Variants in ZFP14 observed in about 807,000 individuals in gnomAD.
ZFP14 encodes ZFP14 zinc finger protein, also known as zinc finger protein 14 homolog.
Under a neutral mutation model 54.5 loss-of-function variants are expected in ZFP14, and 22 were observed. The ratio of observed to expected loss-of-function variants is 0.40; its 90% CI spans 0.29 to 0.58. ZFP14 has a LOEUF of 0.58. Among genes scored for constraint, ZFP14 ranks in the 20% least tolerant of loss-of-function variants. The probability of loss-of-function intolerance (pLI) is 0.39; values close to 1 mark genes in which losing one functional copy is unlikely to be tolerated. For synonymous variants in ZFP14, 159 were observed against 204.0 expected (o/e 0.78, Z 1.88); for missense variants, 470 against 637.8 (o/e 0.74, Z 2.83).
chr19:36,377,744 G>A (rs147597680), intron 1 of ZFP14, among the ~76,000 whole-genome samples: 157 of 152,170 alleles, frequency 1.0e-3, no homozygotes, highest in Non-Finnish European at 2.0e-3. Flanking sequence ...TACTTGGCAG[G>A]CTGAAGCAGG....
At chr19:36,371,180 A>G (rs10404574) in intron 1 of ZFP14, among the ~76,000 whole-genome samples, 103,326 of 151,914 alleles carry the variant, frequency 0.68, 35,419 homozygotes, top group African/African-American at 0.76. Context: ...AGAGAATGCC[A>G]TGAACCCAGG....
chr19:36,347,682 C>A (rs1300418868), intron 4 of ZFP14, among the ~76,000 whole-genome samples: 1 of 152,038 alleles, frequency 6.6e-6, no homozygotes. Flanking sequence ...TGAAGATTAT[C>A]AAAACTTGAG....
At chr19:36,359,263 TTTG>T (rs1225399346) in intron 4 of ZFP14, among the ~76,000 whole-genome samples, 28 of 152,198 alleles carry the variant, frequency 1.8e-4, no homozygotes, top group African/African-American at 6.5e-4. Flanking sequence ...TTATATTTGA[TTTG>T]TTAATATTTT....
In ZFP14 at chr19:36,338,594, T is replaced by C. The variant is rs972471211; in HGVS notation, c.*1630A>G. 5 of 152,002 alleles carry C rather than the reference T, an allele frequency of 3.3e-5. No individual in the cohort carries two copies. In the East Asian group the frequency reaches 7.8e-4, roughly 24 times the overall value. The allele number at this position is 152,002 out of a possible 1,614,324, so 9.4% of individuals were successfully genotyped here. A position where few individuals can be genotyped will look rare whatever the true frequency, so the allele number is the denominator to read the frequency against. ...AACAGGGTACAGTGAACTGTGCTTGTACCACTGCACTCCAGCCTGGGGGAC... is the reference window on the plus strand; with the variant it reads ...AACAGGGTACAGTGAACTGTGCTTGCACCACTGCACTCCAGCCTGGGGGAC... On this transcript the variant is annotated 3_prime_UTR_variant, in exon 5 of 5. Transcript: ENST00000270001.
chr19:36,356,377 G>A (rs1163147889), intron 4 of ZFP14, among the ~76,000 whole-genome samples: 4 of 151,116 alleles, frequency 2.6e-5, no homozygotes, highest in Admixed American at 1.3e-4. Flanking sequence ...GCAGTGAGCC[G>A]AGATCCCGCC....
rs187136753 is a variant in ZFP14, at chr19:36,358,918, G to T, written c.235+1517C>A. On this transcript the variant is annotated intron_variant, in intron 4 of 4. Transcript: ENST00000270001. The stretch of plus-strand genomic sequence containing the variant: ...GATTAATGGGTTATCACAGGATTGG[G>T]ACTGATGACTTTATAAGAAGAAGAG... 3.0e-3 allele frequency among the ~76,000 whole-genome samples: 451 copies of T among 152,180 alleles called. 1 individual carries two copies. Among genetic ancestry groups the T allele is most frequent in the African/African-American group, 0.01 (419 of 41,516 alleles).
intron 4 of ZFP14, among the ~76,000 whole-genome samples, chr19:36,355,282 C>T (rs905224937): frequency 4.2e-5 from 6 of 143,074 alleles, no homozygotes; most frequent in Non-Finnish European, 9.3e-5. Context: ...GAATGTTGAG[C>T]CCTAACTAAC....
At chr19:36,360,567 C>T (rs751516337) in intron 3 of ZFP14, 34 bp from the exon 4 acceptor site, 15 of 1,573,002 alleles carry the variant, frequency 9.5e-6, no homozygotes, top group South Asian at 5.8e-5. Context: ...TGGAATTATA[C>T]ACCAGAAAAT....
chr19:36,355,852 T>A (rs908388677), intron 4 of ZFP14, among the ~76,000 whole-genome samples: 1 of 141,906 alleles, frequency 7.0e-6, no homozygotes, highest in African/African-American at 2.6e-5. Flanking sequence ...AAAATACATA[T>A]CTGGTGTTTA....
rs961752057 is a variant in ZFP14, at chr19:36,352,434, A to G, written c.235+8001T>C. 1.6e-4 allele frequency among the ~76,000 whole-genome samples: 23 copies of G among 143,724 alleles called. 5 individuals carry two copies. The highest frequency in any genetic ancestry group is 7.8e-4 in the Admixed American group (11 of 14,024). 94.3% of individuals were successfully genotyped at this position (143,724 alleles called of 152,430 possible). Reference sequence around the variant, plus strand: ...TTAAGCAAACAGAAAAACACTGGGAAGACAGCAGATTTAAACCCAAATATG... The same window carrying G: ...TTAAGCAAACAGAAAAACACTGGGAGGACAGCAGATTTAAACCCAAATATG... On this transcript the variant is annotated intron_variant, in intron 4 of 4. Transcript: ENST00000270001.
chr19:36,376,610 C>T (rs2145567018), intron 1 of ZFP14, among the ~76,000 whole-genome samples: 1 of 152,022 alleles, frequency 6.6e-6, no homozygotes, highest in Admixed American at 6.6e-5. Context: ...TCTTGATTAT[C>T]AACAATTTAC....
intron 4 of ZFP14, among the ~76,000 whole-genome samples, chr19:36,354,370 CA>C (rs58651628): frequency 0.058 from 5,782 of 98,970 alleles, 877 homozygotes; most frequent in African/African-American, 0.19. Flanking sequence ...GATTCCATCT[CA>C]AAAAAAAAAA....
At chr19:36,342,708 A>G (rs2145540532) in intron 4 of ZFP14, among the ~76,000 whole-genome samples, 2 of 152,318 alleles carry the variant, frequency 1.3e-5, no homozygotes, top group African/African-American at 4.8e-5. Flanking sequence ...GCCTGTCTTT[A>G]GATAAGAGGC....
At chr19:36,342,567 G>GCATGGCTAAAATC (rs60143401) in intron 4 of ZFP14, among the ~76,000 whole-genome samples, 57,154 of 151,850 alleles carry the variant, frequency 0.38, 10,722 homozygotes, top group Admixed American at 0.42. Context: ...AGACACCTCA[G>GCATGGCTAAAATC]CACTTCATGT....
In ZFP14 at chr19:36,351,317, GGC is replaced by G. The variant is rs969683789; in HGVS notation, c.235+9116_235+9117del. Among the ~76,000 whole-genome samples the G allele has an allele frequency of 2.8e-4, 39 of 138,118 alleles. 5 individuals carry two copies. Among genetic ancestry groups the G allele is most frequent in the African/African-American group, 8.8e-4 (33 of 37,378 alleles). The allele number at this position is 138,118 out of a possible 152,430, so 90.6% of individuals were successfully genotyped here. A position where few individuals can be genotyped will look rare whatever the true frequency, so the allele number is the denominator to read the frequency against. The stretch of plus-strand genomic sequence containing the variant: ...AGTTCAAGACCAGCCTGGCCAACAT[GGC>G]GAAACCCCGTCTCTACTAAAAACTA... On this transcript the variant is annotated intron_variant, in intron 4 of 4. Transcript: ENST00000270001.
chr19:36,352,864 C>T (rs528516701), intron 4 of ZFP14, among the ~76,000 whole-genome samples: 2 of 140,084 alleles, frequency 1.4e-5, no homozygotes, highest in Non-Finnish European at 3.2e-5. Flanking sequence ...TGGCGTGAAC[C>T]CGGGAGGCGG....
At chr19:36,346,805 G>C (rs1219343110) in intron 4 of ZFP14, among the ~76,000 whole-genome samples, 1 of 152,124 alleles carries the variant, frequency 6.6e-6, no homozygotes, top group African/African-American at 2.4e-5. Context: ...ACCTACCTTT[G>C]TTCTGGGATA....
rs1234463605 is a variant in ZFP14 at position 36,349,603 on chromosome 19, G to A, written c.236-8013C>T. Among the ~76,000 whole-genome samples, 4 of 150,646 alleles carry A rather than the reference G, an allele frequency of 2.7e-5. No homozygotes were observed. In the South Asian group the frequency reaches 8.3e-4, roughly 31 times the overall value. On this transcript the variant is annotated intron_variant, in intron 4 of 4. Transcript: ENST00000270001. ...ATCACTTGAACCTCAGGAGGCAGAG[G>A]CCACAGTGAGCCAAGATGGCACCAC...
At chr19:36,349,510 C>T (rs2031486069) in intron 4 of ZFP14, among the ~76,000 whole-genome samples, 1 of 150,024 alleles carries the variant, frequency 6.7e-6, no homozygotes, top group Non-Finnish European at 1.5e-5. Flanking sequence ...ACTAAACATA[C>T]AAAAAATTAG....
Sources: allele counts gnomAD v4.1 joint callset (sites outside exome capture counted in the v4.1 genomes callset), GRCh38; gene constraint gnomAD v4.1.1; transcripts MANE v1.5; gene names NCBI Gene and HGNC (gene_info 2026-07-23, HGNC 2026-07-21).